Variants in MAN1A1 observed in about 807,000 individuals in gnomAD.
MAN1A1 encodes mannosidase alpha class 1A member 1.
Under a neutral mutation model 70.8 loss-of-function variants are expected in MAN1A1, and 29 were observed. The ratio of observed to expected loss-of-function variants is 0.41; its 90% CI spans 0.31 to 0.56. The LOEUF (loss-of-function observed/expected upper bound fraction) is 0.56. Among genes scored for constraint, MAN1A1 ranks in the 20% least tolerant of loss-of-function variants. MAN1A1 has a pLI of 0.29. For synonymous variants in MAN1A1, 349 were observed against 330.1 expected, an observed-to-expected ratio of 1.06 and a Z score of -0.62; for missense variants, 747 against 841.3, an observed-to-expected ratio of 0.89 and a Z score of 1.39.
rs139257822 is a variant in MAN1A1, at chr6:119,254,311, C to T, written c.898-5957G>A. Among the ~76,000 whole-genome samples the T allele has an allele frequency of 6.0e-3, 916 of 152,290 alleles. 7 individuals carry two copies. The highest frequency in any genetic ancestry group is 0.021 in the African/African-American group (868 of 41,566). On this transcript the variant is annotated intron_variant, in intron 5 of 12. Transcript: ENST00000368468. The stretch of plus-strand genomic sequence containing the variant: ...CTTGGACTGGCTGTACTACTGTTTC[C>T]ATGTGAGGCCTGAGCGGGTCAGTTA...
At chr6:119,318,631 T>C (rs977379771) in intron 2 of MAN1A1, among the ~76,000 whole-genome samples, 4 of 152,182 alleles carry the variant, frequency 2.6e-5, no homozygotes, top group African/African-American at 9.7e-5. Context: ...CCAATCTTTC[T>C]TTTTTTGAAA....
intron 4 of MAN1A1, among the ~76,000 whole-genome samples, chr6:119,291,706 C>T (rs1425268924): frequency 6.6e-6 from 1 of 151,964 alleles, no homozygotes; most frequent in Non-Finnish European, 1.5e-5. Flanking sequence ...GGTTCTAGTG[C>T]TGGTTTCCAA....
rs182481690 is a variant in MAN1A1, at chr6:119,237,676, A to T, written c.992+10584T>A. 5.9e-3 allele frequency among the ~76,000 whole-genome samples: 893 copies of T among 152,284 alleles called. 27 individuals carry two copies. The highest frequency in any genetic ancestry group is 1.3e-3 in the Non-Finnish European group (91 of 68,016). On this transcript the variant is annotated intron_variant, in intron 6 of 12. Transcript: ENST00000368468. ...AACCTGTATGAAGTCCTGAAATTCC[A>T]TAATGATCCATTCTCTTGGGTGTAA...
At chr6:119,255,110 T>C (rs1427145546) in intron 5 of MAN1A1, among the ~76,000 whole-genome samples, 2 of 152,184 alleles carry the variant, frequency 1.3e-5, no homozygotes, top group East Asian at 1.9e-4. Context: ...TAGTTTGCAG[T>C]TCCCTAAAGA....
intron 5 of MAN1A1, among the ~76,000 whole-genome samples, chr6:119,280,844 A>T (rs2114397918): frequency 6.6e-6 from 1 of 152,332 alleles, no homozygotes; most frequent in Middle Eastern, 3.4e-3. Context: ...AGAACATATT[A>T]CCTCATCTCT....
chr6:119,263,989 C>T (rs767835009), intron 5 of MAN1A1, among the ~76,000 whole-genome samples: 1 of 152,182 alleles, frequency 6.6e-6, no homozygotes, highest in Non-Finnish European at 1.5e-5. Flanking sequence ...TAAATTAGAA[C>T]ATGCTTTCCT....
chr6:119,211,284 C>T (rs926032838), intron 6 of MAN1A1, among the ~76,000 whole-genome samples: 1 of 152,202 alleles, frequency 6.6e-6, no homozygotes, highest in African/African-American at 2.4e-5. Flanking sequence ...CACATGAAAT[C>T]AGTACAGACT....
intron 2 of MAN1A1, among the ~76,000 whole-genome samples, chr6:119,325,783 C>T (rs2114483715): frequency 6.6e-6 from 1 of 152,126 alleles, no homozygotes; most frequent in East Asian, 1.9e-4. Context: ...AACAAAAGTC[C>T]TAAGAAAAAA....
chr6:119,186,373 C>T (rs1372932909), intron 11 of MAN1A1, among the ~76,000 whole-genome samples: 1 of 152,034 alleles, frequency 6.6e-6, no homozygotes, highest in African/African-American at 2.4e-5. Flanking sequence ...ACGCAGGATG[C>T]AGGAAGTCTA....
Position 119,177,651 on chromosome 6 carries a change from C to T in MAN1A1, c.*2168G>A, listed in dbSNP as rs558145270. Reference sequence around the variant, plus strand: ...CATCACTACAATATTAATCTCTTATCTTGTTTACATTTTTGGTGTTTTGGG... The same window carrying T: ...CATCACTACAATATTAATCTCTTATTTTGTTTACATTTTTGGTGTTTTGGG... On this transcript the variant is annotated 3_prime_UTR_variant, in exon 13 of 13. Coordinates refer to ENST00000368468, the MANE Select transcript of MAN1A1 (RefSeq NM_005907.4). 6.6e-6 allele frequency: 1 copy of T among 152,060 alleles called. No individual in the cohort carries two copies. The highest frequency in any genetic ancestry group is 1.9e-4 in the East Asian group (1 of 5,186). 9.4% of individuals were successfully genotyped at this position (152,060 alleles called of 1,614,324 possible).
At position 119,343,006 on chromosome 6, in the gene MAN1A1, A is replaced by G. The variant is rs539603506; in HGVS notation, c.603+5457T>C. On this transcript the variant is annotated intron_variant, in intron 2 of 12. Transcript: ENST00000368468. ...GCTTCTTGGAGAGATCTTTATAAAG[A>G]AAACAAGATGTCCTATCAAGCTTTC... Among the ~76,000 whole-genome samples the G allele has an allele frequency of 5.3e-5, 8 of 152,286 alleles. No homozygotes were observed. The South Asian group carries it at 1.2e-3, about 24-fold the overall frequency.
chr6:119,206,625 G>A (rs1773869041), intron 6 of MAN1A1, among the ~76,000 whole-genome samples: 1 of 152,154 alleles, frequency 6.6e-6, no homozygotes, highest in Admixed American at 6.5e-5. Context: ...TGTGAGTCAG[G>A]TTTTATTTTC....
intron 2 of MAN1A1, among the ~76,000 whole-genome samples, chr6:119,322,951 C>G (rs1471719981): frequency 1.3e-5 from 2 of 152,184 alleles, no homozygotes; most frequent in African/African-American, 4.8e-5. Flanking sequence ...GTTCTCTGTT[C>G]TAATACCCTG....
At chr6:119,290,650 T>C (rs1347579346) in intron 5 of MAN1A1, 33 bp downstream of exon 5, 3 of 1,489,218 alleles carry the variant, frequency 2.0e-6, no homozygotes, top group Non-Finnish European at 1.9e-6. Flanking sequence ...AGACACTTTA[T>C]AATTCACATT....
chr6:119,343,957 C>T (rs963025957), intron 2 of MAN1A1, among the ~76,000 whole-genome samples: 2 of 152,202 alleles, frequency 1.3e-5, no homozygotes, highest in South Asian at 2.1e-4. Flanking sequence ...CTCTGACCTT[C>T]GGACACATGC....
chr6:119,301,156 G>A (rs578030002), intron 4 of MAN1A1, among the ~76,000 whole-genome samples: 8 of 152,314 alleles, frequency 5.3e-5, no homozygotes, highest in African/African-American at 1.9e-4. Flanking sequence ...GACTTTACGA[G>A]AATTTCTGCA....
chr6:119,214,744 G>C (rs1774149620), intron 6 of MAN1A1, among the ~76,000 whole-genome samples: 1 of 152,054 alleles, frequency 6.6e-6, no homozygotes, highest in Non-Finnish European at 1.5e-5. Context: ...GAGCTCAAGT[G>C]ATCTGCCTGC....
At chr6:119,302,583 T>C (rs1582785705) in intron 3 of MAN1A1, among the ~76,000 whole-genome samples, 1 of 152,172 alleles carries the variant, frequency 6.6e-6, no homozygotes, top group South Asian at 2.1e-4. Flanking sequence ...GGTTTCACCA[T>C]GTTGGCCAGA....
intron 9 of MAN1A1, among the ~76,000 whole-genome samples, chr6:119,191,395 G>GGA (rs1773438449): frequency 6.6e-6 from 1 of 151,824 alleles, no homozygotes; most frequent in African/African-American, 2.4e-5. Flanking sequence ...TTCGGACCAA[G>GGA]TTGCTACCTC....
Sources: allele counts gnomAD v4.1 joint callset (sites outside exome capture counted in the v4.1 genomes callset), GRCh38; gene constraint gnomAD v4.1.1; transcripts MANE v1.5; gene names NCBI Gene and HGNC (gene_info 2026-07-23, HGNC 2026-07-21).